NELL2: variants seen among roughly 807,000 people sequenced by gnomAD.
The protein encoded by NELL2 is neural EGFL like 2.
A neutral mutation model predicts 109.6 loss-of-function variants in NELL2; 41 were observed. That is an observed-to-expected ratio of 0.37 (90% CI 0.29 to 0.49). The LOEUF (loss-of-function observed/expected upper bound fraction) is 0.49. Among genes scored for constraint, NELL2 ranks in the 20% least tolerant of loss-of-function variants. The pLI is 0.98. For missense variants in NELL2, 900 were observed against 1,008.3 expected, an observed-to-expected ratio of 0.89 and a Z score of 1.45; for synonymous variants, 355 against 344.7, an observed-to-expected ratio of 1.03 and a Z score of -0.33.
At chr12:44,571,911 T>C (rs1943884493) in intron 15 of NELL2, among the ~76,000 whole-genome samples, 1 of 152,038 alleles carries the variant, frequency 6.6e-6, no homozygotes, top group South Asian at 2.1e-4. Flanking sequence ...ATACTCAGGG[T>C]ATGTAGATTA....
chr12:44,905,765 G>A (rs1404785134), intron 1 of NELL2, among the ~76,000 whole-genome samples: 2 of 151,922 alleles, frequency 1.3e-5, no homozygotes, highest in African/African-American at 4.8e-5. Flanking sequence ...CCTATAGGGG[G>A]ACCTTTGGTC....
chr12:44,624,990 G>A (rs1331925424), intron 13 of NELL2, among the ~76,000 whole-genome samples: 22 of 16,188 alleles, frequency 1.4e-3, no homozygotes, highest in East Asian at 0.012. Flanking sequence ...ATATATATAT[G>A]TGTGTGTATA....
At chr12:44,626,778 A>G (rs1396846582) in intron 13 of NELL2, among the ~76,000 whole-genome samples, 2 of 152,292 alleles carry the variant, frequency 1.3e-5, no homozygotes, top group East Asian at 3.9e-4. Flanking sequence ...AATAAGTCGC[A>G]GAATTAATAG....
chr12:44,703,770 C>G lies in NELL2; in HGVS notation c.1274G>C (p.Arg425Pro), dbSNP rs114802162. The change falls in exon 12 of 20, where the codon CGA becomes CCA. Residue 425 changes from arginine (R) to proline (P), a missense_variant. Physicochemically the swap from Arg to Pro is moderately radical, Grantham distance 103. Transcript: ENST00000429094. ...NLNDRAVCSC[R>P]DGFRALREDN... is the part of the protein sequence containing the mutation. ...CTCTCGAAGAGCCCTAAAACCATCTCGACAGCTACAAACAGCCCTGTCATT... is the reference window on the plus strand; with the variant it reads ...CTCTCGAAGAGCCCTAAAACCATCTGGACAGCTACAAACAGCCCTGTCATT... The G allele has an allele frequency of 6.2e-7, 1 of 1,613,446 alleles. No individual in the cohort carries two copies. Among genetic ancestry groups the G allele is most frequent in the South Asian group, 1.1e-5 (1 of 91,070 alleles).
chr12:44,742,519 G>A (rs1940046362), intron 9 of NELL2, among the ~76,000 whole-genome samples: 2 of 152,314 alleles, frequency 1.3e-5, no homozygotes, highest in South Asian at 2.1e-4. Context: ...TGAGCTACAG[G>A]AGGAAATTCG....
chr12:44,670,295 A>T (rs992911372), intron 12 of NELL2, among the ~76,000 whole-genome samples: 1 of 152,166 alleles, frequency 6.6e-6, no homozygotes, highest in African/African-American at 2.4e-5. Context: ...TGAAAACACA[A>T]GAAAGTATAA....
At chr12:44,571,189 C>T (rs200507761) in intron 15 of NELL2, among the ~76,000 whole-genome samples, 1 of 152,202 alleles carries the variant, frequency 6.6e-6, no homozygotes, top group Non-Finnish European at 1.5e-5. Flanking sequence ...GCCCTTATAA[C>T]CATTTCCTCT....
At chr12:44,547,630 C>T (rs1942852674) in intron 15 of NELL2, among the ~76,000 whole-genome samples, 1 of 152,074 alleles carries the variant, frequency 6.6e-6, no homozygotes, top group South Asian at 2.1e-4. Flanking sequence ...AAAAATATAT[C>T]AGAGTTGATG....
chr12:44,714,570 C>A (rs1938382687), intron 10 of NELL2, 80 bp downstream of exon 10: 1 of 763,632 alleles, frequency 1.3e-6, no homozygotes, highest in Admixed American at 3.1e-5. Flanking sequence ...AAATGTATTT[C>A]AAGGTTGAGC....
intron 2 of NELL2, among the ~76,000 whole-genome samples, chr12:44,832,973 T>C (rs1007239490): frequency 6.6e-6 from 1 of 152,212 alleles, no homozygotes; most frequent in Admixed American, 6.5e-5. Flanking sequence ...AGCAATGTTA[T>C]AAATTTCTAG....
chr12:44,845,401 C>T (rs1477332933), intron 2 of NELL2, among the ~76,000 whole-genome samples: 4 of 152,106 alleles, frequency 2.6e-5, no homozygotes, highest in African/African-American at 4.8e-5. Flanking sequence ...TAGTGCATAG[C>T]GTACAGTGGC....
chr12:44,681,457 T>C (rs1213764547), intron 12 of NELL2, among the ~76,000 whole-genome samples: 1 of 151,776 alleles, frequency 6.6e-6, no homozygotes, highest in Non-Finnish European at 1.5e-5. Flanking sequence ...AGGGTACATG[T>C]GCACAATGTG....
chr12:44,698,893 C>T lies in NELL2; in HGVS notation c.1318+4833G>A, dbSNP rs192272484. On this transcript the variant is annotated intron_variant, in intron 12 of 19. Coordinates refer to ENST00000429094, the MANE Select transcript of NELL2 (RefSeq NM_001145108.2). ...CACAAAAAACTTCTTCATTGTAATG[C>T]GCTATTGGACTGACACAGCTGTCAT... Among the ~76,000 whole-genome samples, 636 of 152,194 alleles carry T rather than the reference C, an allele frequency of 4.2e-3. 2 individuals carry two copies. Among genetic ancestry groups the T allele is most frequent in the Non-Finnish European group, 6.4e-3 (435 of 68,010 alleles).
At chr12:44,539,691 T>A (rs1942461032) in intron 15 of NELL2, among the ~76,000 whole-genome samples, 1 of 152,180 alleles carries the variant, frequency 6.6e-6, no homozygotes, top group Non-Finnish European at 1.5e-5. Flanking sequence ...AAAATTTCCT[T>A]CATATCACAG....
intron 15 of NELL2, among the ~76,000 whole-genome samples, chr12:44,578,639 T>C (rs1944202178): frequency 6.6e-6 from 1 of 152,040 alleles, no homozygotes; most frequent in African/African-American, 2.4e-5. Flanking sequence ...CTTTTTTTTT[T>C]TTTGTGGCAA....
chr12:44,571,027 T>G (rs1024694661), intron 15 of NELL2, among the ~76,000 whole-genome samples: 11 of 152,266 alleles, frequency 7.2e-5, no homozygotes, highest in African/African-American at 1.7e-4. Flanking sequence ...CTATTGTGCT[T>G]TGTTAATAGG....
At chr12:44,890,083 G>T (rs1945516612) in intron 1 of NELL2, among the ~76,000 whole-genome samples, 1 of 152,168 alleles carries the variant, frequency 6.6e-6, no homozygotes, top group African/African-American at 2.4e-5. Flanking sequence ...CTGTTCACAT[G>T]TATCATTTAG....
At chr12:44,642,386 TA>T (rs1946895851) in intron 13 of NELL2, among the ~76,000 whole-genome samples, 1 of 152,202 alleles carries the variant, frequency 6.6e-6, no homozygotes, top group Non-Finnish European at 1.5e-5. Context: ...ACAATGTTCA[TA>T]GATTCCACTC....
At chr12:44,573,557 A>C (rs184433106) in intron 15 of NELL2, among the ~76,000 whole-genome samples, 116 of 152,372 alleles carry the variant, frequency 7.6e-4, no homozygotes, top group Non-Finnish European at 1.1e-3. Context: ...AAAGGCAATA[A>C]ATTTGAAGAC....
Sources: allele counts gnomAD v4.1 joint callset (sites outside exome capture counted in the v4.1 genomes callset), GRCh38; gene constraint gnomAD v4.1.1; transcripts MANE v1.5; gene names NCBI Gene and HGNC (gene_info 2026-07-23, HGNC 2026-07-21).